Variants in GHITM observed in about 807,000 individuals in gnomAD.
The protein encoded by GHITM is growth hormone-inducible transmembrane protein.
In GHITM, 24 loss-of-function variants were observed where a neutral mutation model predicts 38.7. The observed-to-expected ratio is 0.62, with a 90% CI of 0.45 to 0.87. The LOEUF (loss-of-function observed/expected upper bound fraction) is 0.87, where lower values mean the gene tolerates loss of function less well. Among genes scored for constraint, GHITM ranks in the 40% least tolerant of loss-of-function variants. The pLI is 0.00. For synonymous variants in GHITM, 154 were observed against 147.8 expected, an observed-to-expected ratio of 1.04 and a Z score of -0.30; for missense variants, 420 against 429.8, an observed-to-expected ratio of 0.98 and a Z score of 0.20.
intron 8 of GHITM, 43 bp from the exon 9 acceptor site, chr10:84,152,221 T>G: frequency 2.3e-6 from 2 of 872,012 alleles, no homozygotes; most frequent in East Asian, 2.5e-5. Flanking sequence ...AACATCACTA[T>G]TAGAATTGCA....
chr10:84,152,395 A>G lies in GHITM; in HGVS notation c.*47A>G, dbSNP rs1564644073. 3.9e-6 allele frequency: 4 copies of G among 1,030,478 alleles called. No homozygotes were observed. The highest frequency in any genetic ancestry group is 4.1e-4 in the Middle Eastern group (2 of 4,934). 63.8% of individuals were successfully genotyped at this position (1,030,478 alleles called of 1,614,324 possible). A position where few individuals can be genotyped will look rare whatever the true frequency, so the allele number is the denominator to read the frequency against. On this transcript the variant is annotated 3_prime_UTR_variant, in exon 9 of 9. Coordinates refer to ENST00000372134, the MANE Select transcript of GHITM (RefSeq NM_014394.3). ...TCTGCTACATCAAATATCTTGTTTA[A>G]TGGGGCAGATATGCATTAAATAGTT...
chr10:84,149,836 G>A (rs1479026952), intron 6 of GHITM, among the ~76,000 whole-genome samples: 1 of 152,200 alleles, frequency 6.6e-6, no homozygotes, highest in Non-Finnish European at 1.5e-5. Context: ...GCTTGTGAGT[G>A]TGATTGATTA....
intron 1 of GHITM, among the ~76,000 whole-genome samples, chr10:84,140,943 T>G (rs77596561): frequency 6.6e-6 from 1 of 152,346 alleles, no homozygotes; most frequent in South Asian, 2.1e-4. Context: ...TTGGTATGAT[T>G]AGCTGAAATT....
rs570200608 is a variant in GHITM at position 84,147,729 on chromosome 10, A to G, written c.484-1001A>G. ...TTTAAATTTCTTGGAGATTAGCACC[A>G]TCTTATTTCCATTACATGTTAATAC... is the stretch of plus-strand genomic sequence containing the variant. On this transcript the variant is annotated intron_variant, in intron 5 of 8. Coordinates refer to ENST00000372134, the MANE Select transcript of GHITM (RefSeq NM_014394.3). Among the ~76,000 whole-genome samples, 11 of 152,332 alleles carry G rather than the reference A, an allele frequency of 7.2e-5. No homozygotes were observed. The South Asian group carries it at 8.3e-4, about 11-fold the overall frequency.
chr10:84,144,304 G>C (rs1486849370), intron 4 of GHITM, among the ~76,000 whole-genome samples, 198 bp downstream of exon 4: 3 of 152,150 alleles, frequency 2.0e-5, no homozygotes, highest in African/African-American at 4.8e-5. Flanking sequence ...CTTTTAGCAA[G>C]GTTATATGTG....
At position 84,150,885 on chromosome 10, in the gene GHITM, G is replaced by A. The variant is rs1841605882; in HGVS notation, c.953+5G>A. The A allele has an allele frequency of 5.1e-6, 8 of 1,576,066 alleles. No homozygotes were observed. The highest frequency in any genetic ancestry group is 1.3e-5 in the African/African-American group (1 of 74,206). On this transcript the variant is annotated splice_donor_5th_base_variant and intron_variant, in intron 8 of 8. Coordinates refer to ENST00000372134, the MANE Select transcript of GHITM (RefSeq NM_014394.3). ...AAAATATGATCCCATTAACTCGTAA[G>A]TAATGCTTTTTATTTAACACTGTTA...
Position 84,142,721 on chromosome 10 carries a change from G to T in GHITM, c.196G>T (p.Ala66Ser). Residue 66 changes from alanine to serine, a missense_variant, in exon 3 of 9, where the codon GCA (alanine) becomes TCA (serine). By Grantham distance (99) the Ala-to-Ser change is moderately conservative (BLOSUM62 1). Transcript: ENST00000372134. ...GRTGQELKEAALEPSMEKIFK... is the reference protein window; with the variant it reads ...GRTGQELKEASLEPSMEKIFK... ...AACTGGCCAAGAACTCAAAGAGGCA[G>T]CATTGGAACCATCGATGGAAAAAAT... 1 of 1,609,404 alleles carries T rather than the reference G, an allele frequency of 6.2e-7. No homozygotes were observed. Among genetic ancestry groups the T allele is most frequent in the Non-Finnish European group, 8.5e-7 (1 of 1,176,262 alleles).
intron 5 of GHITM, among the ~76,000 whole-genome samples, chr10:84,148,276 T>G (rs1481342595): frequency 1.4e-5 from 2 of 141,228 alleles, no homozygotes; most frequent in Non-Finnish European, 3.0e-5. Context: ...TTAAAGTTTT[T>G]ATTTTTTATT....
chr10:84,141,371 G>A lies in GHITM; in HGVS notation c.-39-91G>A, dbSNP rs1841504479. Reference sequence around the variant, plus strand: ...TCTACTAAAAAATAGTTTGTTCCTTGACTCTGACTCTCATATGTCCTTCTC... The same window carrying A: ...TCTACTAAAAAATAGTTTGTTCCTTAACTCTGACTCTCATATGTCCTTCTC... On this transcript the variant is annotated intron_variant, in intron 1 of 8. Coordinates refer to ENST00000372134, the MANE Select transcript of GHITM (RefSeq NM_014394.3). The A allele has an allele frequency of 1.2e-5, 8 of 690,304 alleles. No homozygotes were observed. The South Asian group carries it at 1.6e-4, about 13-fold the overall frequency. The allele number at this position is 690,304 out of a possible 1,614,324, so 42.8% of individuals were successfully genotyped here.
chr10:84,141,532 C>T lies in GHITM; in HGVS notation c.32C>T (p.Thr11Ile). The change falls in exon 2 of 9, where the codon ACA (threonine) becomes ATA (isoleucine). Residue 11 changes from threonine (T) to isoleucine (I), a missense_variant. Thr to Ile is a moderately conservative substitution (Grantham distance 89). Coordinates refer to ENST00000372134, the MANE Select transcript of GHITM (RefSeq NM_014394.3). ...GCTGCAAGGCTGGTGTGTCTCCGGA[C>T]ACTACCTTCTAGGGTTTTCCACCCA... Reference protein sequence around the residue: MLAARLVCLRTLPSRVFHPAF... With the variant: MLAARLVCLRILPSRVFHPAF... The T allele has an allele frequency of 6.2e-7, 1 of 1,613,592 alleles. No individual in the cohort carries two copies.
At chr10:84,150,309 TA>T in intron 7 of GHITM, 66 bp downstream of exon 7, 1 of 1,185,798 alleles carries the variant, frequency 8.4e-7, no homozygotes, top group Non-Finnish European at 1.2e-6. Flanking sequence ...AATACTCCAA[TA>T]TCCTAATTGA....
intron 2 of GHITM, among the ~76,000 whole-genome samples, chr10:84,142,073 T>C (rs1444086486): frequency 6.6e-6 from 1 of 152,198 alleles, no homozygotes; most frequent in Non-Finnish European, 1.5e-5. Context: ...TAGATTTATC[T>C]TCTGGCATTC....
chr10:84,148,607 T>G, intron 5 of GHITM, 123 bp from the exon 6 acceptor site: 1 of 666,834 alleles, frequency 1.5e-6, no homozygotes, highest in Non-Finnish European at 2.7e-6. Flanking sequence ...TAAGCTTTGA[T>G]TTATTATCTT....
intron 5 of GHITM, among the ~76,000 whole-genome samples, chr10:84,146,831 C>A (rs1841560916): frequency 1.3e-5 from 2 of 152,128 alleles, no homozygotes; most frequent in Non-Finnish European, 2.9e-5. Context: ...ACAAGTGTTA[C>A]AGAGATGAAG....
intron 3 of GHITM, among the ~76,000 whole-genome samples, chr10:84,143,302 A>G (rs555888518): frequency 6.6e-6 from 1 of 152,324 alleles, no homozygotes; most frequent in African/African-American, 2.4e-5. Flanking sequence ...TAATCTTGCA[A>G]AATGTCTTTA....
chr10:84,151,301 G>A (rs1478476739), intron 8 of GHITM, among the ~76,000 whole-genome samples: 1 of 152,166 alleles, frequency 6.6e-6, no homozygotes, highest in East Asian at 1.9e-4. Context: ...GGCTTTGTCA[G>A]ATTTCCTGTT....
chr10:84,149,137 G>A (rs891980755), intron 6 of GHITM, among the ~76,000 whole-genome samples: 4 of 152,134 alleles, frequency 2.6e-5, no homozygotes, highest in African/African-American at 9.7e-5. Flanking sequence ...CGCATCATTT[G>A]AGAGTTGTTT....
chr10:84,152,535 A>C lies in GHITM; in HGVS notation c.*187A>C, dbSNP rs1841622608. ...TTTTTTCTGGAGAATAAATGCAGTA[A>C]TCCTCTCCCAAATAAGCACACACAT... On this transcript the variant is annotated 3_prime_UTR_variant, in exon 9 of 9. Coordinates refer to ENST00000372134, the MANE Select transcript of GHITM (RefSeq NM_014394.3). 2.4e-6 allele frequency: 1 copy of C among 424,348 alleles called. No individual in the cohort carries two copies. The highest frequency in any genetic ancestry group is 4.2e-6 in the Non-Finnish European group (1 of 239,450). 26.3% of individuals were successfully genotyped at this position (424,348 alleles called of 1,614,324 possible). A position where few individuals can be genotyped will look rare whatever the true frequency, so the allele number is the denominator to read the frequency against.
intron 5 of GHITM, among the ~76,000 whole-genome samples, chr10:84,148,291 AT>A (rs200465025): frequency 4.8e-5 from 7 of 147,028 alleles, no homozygotes; most frequent in African/African-American, 1.9e-4. Context: ...TTTATTTTTT[AT>A]TTTTTATTTT....
Sources: gnomAD v4.1 joint callset for allele counts (sites outside exome capture counted in the v4.1 genomes callset) on GRCh38, gnomAD v4.1.1 for gene constraint, MANE v1.5 for transcripts, NCBI Gene and HGNC (gene_info 2026-07-23, HGNC 2026-07-21) for gene names.